TMEM247: variants seen among roughly 807,000 people sequenced by gnomAD.
TMEM247 encodes transmembrane protein ENSP00000343375.
In TMEM247, 23 loss-of-function variants were observed where a neutral mutation model predicts 20.7. The observed-to-expected ratio is 1.11, with a 90% confidence interval of 0.80 to 1.57. TMEM247 has a LOEUF of 1.57. Among genes scored for constraint, TMEM247 ranks in the 40% most tolerant of loss-of-function variants. The pLI, the probability that TMEM247 is intolerant of heterozygous loss-of-function variation, is 0.00. For missense variants in TMEM247, 354 were observed against 283.8 expected (o/e 1.25, Z -1.78); for synonymous variants, 106 against 111.9 (o/e 0.95, Z 0.33).
intron 2 of TMEM247, 33 bp from the exon 3 acceptor site, chr2:46,484,211 A>G (rs1686944137): frequency 6.5e-7 from 1 of 1,527,794 alleles, no homozygotes. Flanking sequence ...CAACAATGGC[A>G]TCATCATCTC....
Position 46,480,383 on chromosome 2 carries a change from C to A in TMEM247, c.118-22C>A, listed in dbSNP as rs1467759647. 9 of 1,518,258 alleles carry A rather than the reference C, an allele frequency of 5.9e-6. No individual in the cohort carries two copies. In the East Asian group the frequency reaches 7.4e-5, roughly 12 times the overall value. The allele number at this position is 1,518,258 out of a possible 1,614,324, so 94.0% of individuals were successfully genotyped here. A position where few individuals can be genotyped will look rare whatever the true frequency, so the allele number is the denominator to read the frequency against. On this transcript the variant is annotated intron_variant, in intron 1 of 2. Transcript: ENST00000434431. ...ATCCTGACTCTTCAAGGTACCTCCC[C>A]TCCCTGCTTCCCCTACGCCAGGAGG...
At chr2:46,479,731 C>A in intron 1 of TMEM247, 29 bp downstream of exon 1, 1 of 1,457,296 alleles carries the variant, frequency 6.9e-7, no homozygotes, top group Non-Finnish European at 9.4e-7. Context: ...CTCACCACCC[C>A]CGCCTATTCC....
intron 1 of TMEM247, 57 bp from the exon 2 acceptor site, chr2:46,480,348 G>C: frequency 6.8e-7 from 1 of 1,471,564 alleles, no homozygotes; most frequent in Middle Eastern, 2.1e-4. Flanking sequence ...ATGGGGTCAG[G>C]GGCAGCCCCA....
exon 3 of TMEM247, chr2:46,484,272 T>C: frequency 6.4e-7 from 1 of 1,551,508 alleles, no homozygotes; most frequent in African/African-American, 1.4e-5. Flanking sequence ...AACTTCCTGC[T>C]GCCCCAGAAC....
At chr2:46,484,198 C>T (rs930696450) in intron 2 of TMEM247, 46 bp from the exon 3 acceptor site, 48 of 1,501,268 alleles carry the variant, frequency 3.2e-5, no homozygotes, top group African/African-American at 2.6e-4. Flanking sequence ...ATCTGCCTGG[C>T]GCCAACAATG....
At chr2:46,484,179 T>C in intron 2 of TMEM247, 65 bp from the exon 3 acceptor site, 3 of 1,431,018 alleles carry the variant, frequency 2.1e-6, no homozygotes, top group Non-Finnish European at 2.8e-6. Context: ...AGAGCAGGAC[T>C]GAACCTAGAT....
intron 2 of TMEM247, 95 bp downstream of exon 2, chr2:46,480,859 G>A (rs936942450): frequency 2.8e-6 from 4 of 1,415,268 alleles, no homozygotes; most frequent in Non-Finnish European, 2.8e-6. Flanking sequence ...TGCTTTGCGC[G>A]GCACCCCACC....
intron 2 of TMEM247, among the ~76,000 whole-genome samples, chr2:46,482,912 G>T (rs533711028): frequency 2.0e-5 from 3 of 152,274 alleles, no homozygotes; most frequent in Admixed American, 6.5e-5. Context: ...CCATCCTCCA[G>T]CCTTTGGTGA....
intron 2 of TMEM247, among the ~76,000 whole-genome samples, chr2:46,484,043 G>A (rs1277018514): frequency 3.3e-5 from 5 of 152,034 alleles, no homozygotes; most frequent in Admixed American, 3.3e-4. Context: ...CTCCCACCTT[G>A]GCCTCCCCAA....
chr2:46,480,433 C>G, exon 2 of TMEM247: 2 of 1,550,814 alleles, frequency 1.3e-6, no homozygotes, highest in Non-Finnish European at 1.7e-6. Flanking sequence ...CCAGACTCCT[C>G]CTATGACTAC....
rs926722764 is a variant in TMEM247, at chr2:46,479,616, G to GC, written c.34dup (p.Arg12ProfsTer17). The GC allele has an allele frequency of 6.4e-7, 1 of 1,551,776 alleles. No homozygotes were observed. The highest frequency in any genetic ancestry group is 1.4e-5 in the African/African-American group (1 of 73,174). ...AGCAGAGGACAGGGAGATGATGGAA[G>GC]CCCGGGGTGCGGGAGAAAGTTGCCC... On this transcript the variant is annotated frameshift_variant, in exon 1 of 3. Transcript: ENST00000434431. LOFTEE classifies it high-confidence loss of function.
intron 2 of TMEM247, among the ~76,000 whole-genome samples, chr2:46,483,293 C>A (rs76224375): frequency 2.0e-5 from 3 of 152,054 alleles, no homozygotes; most frequent in South Asian, 4.1e-4. Context: ...AAAGAGCAAC[C>A]CACAGACAGA....
intron 2 of TMEM247, 68 bp downstream of exon 2, chr2:46,480,832 C>T: frequency 1.4e-6 from 2 of 1,472,192 alleles, no homozygotes; most frequent in Non-Finnish European, 1.8e-6. Flanking sequence ...GGGCCTGGAG[C>T]AGGCGCCCAC....
In TMEM247 at chr2:46,484,277, C is replaced by T; in HGVS notation, c.511C>T (p.Gln171Ter). 2.6e-6 allele frequency: 4 copies of T among 1,551,734 alleles called. No individual in the cohort carries two copies. The highest frequency in any genetic ancestry group is 3.5e-6 in the Non-Finnish European group (4 of 1,146,946). Residue 171 changes from glutamine to a stop codon, truncating the protein, a stop_gained, in exon 3 of 3, where the codon CAG becomes TAG. Transcript: ENST00000434431. LOFTEE classifies it high-confidence loss of function. The stretch of plus-strand genomic sequence containing the variant: ...AGGCCTCCAGAACTTCCTGCTGCCC[C>T]AGAACCAGTTTGCCATGTTCCTGTA...
Position 46,480,394 on chromosome 2 carries a change from C to T in TMEM247, c.118-11C>T. On this transcript the variant is annotated splice_polypyrimidine_tract_variant and intron_variant, in intron 1 of 2. Transcript: ENST00000434431. The stretch of plus-strand genomic sequence containing the variant: ...TCAAGGTACCTCCCCTCCCTGCTTC[C>T]CCTACGCCAGGAGGCAGAGTCCCAG... 2.6e-6 allele frequency: 4 copies of T among 1,532,290 alleles called. No homozygotes were observed. Among genetic ancestry groups the T allele is most frequent in the Non-Finnish European group, 3.5e-6 (4 of 1,138,210 alleles). 94.9% of individuals were successfully genotyped at this position (1,532,290 alleles called of 1,614,324 possible).
chr2:46,481,718 C>T (rs1012228411), intron 2 of TMEM247, among the ~76,000 whole-genome samples: 25 of 152,202 alleles, frequency 1.6e-4, no homozygotes, highest in Non-Finnish European at 3.2e-4. Flanking sequence ...CACTTCTTGA[C>T]CCAAATGCAA....
At chr2:46,480,307 G>A (rs1335023150) in intron 1 of TMEM247, 98 bp from the exon 2 acceptor site, 24 of 1,308,746 alleles carry the variant, frequency 1.8e-5, no homozygotes, top group Non-Finnish European at 2.4e-5. Context: ...AAACACCCCA[G>A]TCCACTGCGG....
intron 2 of TMEM247, among the ~76,000 whole-genome samples, chr2:46,482,273 A>C (rs1053983209): frequency 9.8e-5 from 15 of 152,344 alleles, no homozygotes; most frequent in Admixed American, 7.2e-4. Context: ...AAAGTCTAGA[A>C]AACATTTGCC....
At position 46,484,419 on chromosome 2, in the gene TMEM247, G is replaced by T. The variant is rs1348342970; in HGVS notation, c.653G>T (p.Trp218Leu). ...TTGCTCTGTTTGATTAAAACTTTCT[G>T]GTCATACTTCCAAGTGCCTTTGCTC... Residue 218 changes from tryptophan (W) to leucine (L), a missense_variant, in exon 3 of 3, where the codon TGG becomes TTG. Transcript: ENST00000434431. 4 of 1,550,752 alleles carry T rather than the reference G, an allele frequency of 2.6e-6. No homozygotes were observed. In the Admixed American group the frequency reaches 5.9e-5, roughly 23 times the overall value.
Sources: gnomAD v4.1 joint callset for allele counts (sites outside exome capture counted in the v4.1 genomes callset) on GRCh38, gnomAD v4.1.1 for gene constraint, MANE v1.5 for transcripts, NCBI Gene and HGNC (gene_info 2026-07-23, HGNC 2026-07-21) for gene names.